The following ACTN3 variants were observed in gnomAD, a reference collection of about 807,000 sequenced individuals.
ACTN3 encodes alpha-actinin-3.
ACTN3 carries 91 observed loss-of-function variants against 119.6 expected under a neutral mutation model. The ratio of observed to expected loss-of-function variants is 0.76; its 90% CI spans 0.64 to 0.91. ACTN3 has a LOEUF of 0.91. Ranked by LOEUF, ACTN3 falls within the 40% of genes least tolerant of loss-of-function variation. The pLI is 0.00. For synonymous variants in ACTN3, 456 were observed against 478.8 expected (o/e 0.95, Z 0.62); for missense variants, 1,221 against 1,215.1 (o/e 1.00, Z -0.07).
Position 66,560,728 on chromosome 11 carries a change from G to A in ACTN3, c.1833G>A (p.Pro611=), listed in dbSNP as rs7949754. Residue 611 remains proline (P), a synonymous_variant, in exon 15 of 21, where the codon CCG becomes CCA. Coordinates refer to ENST00000513398, the MANE Select transcript of ACTN3 (RefSeq NM_001104.4). Reference sequence around the variant, plus strand: ...CCAATCCCTACATCACCCTCAGCCCGCAGGACATCAACACCAAGTGGGATA... The same window carrying A: ...CCAATCCCTACATCACCCTCAGCCCACAGGACATCAACACCAAGTGGGATA... ...CSTNPYITLS[P]QDINTKWDMV... 2,023 of 1,613,036 alleles carry A rather than the reference G, an allele frequency of 1.3e-3. 29 individuals carry two copies. In the African/African-American group the frequency reaches 0.022, roughly 17 times the overall value.
At chr11:66,555,052 G>C (rs1164902761) in intron 5 of ACTN3, 78 bp from the exon 6 acceptor site, 1 of 1,298,638 alleles carries the variant, frequency 7.7e-7, no homozygotes, top group South Asian at 1.2e-5. Flanking sequence ...CTGTCCTTCT[G>C]GGGGGTGCTC....
Position 66,554,593 on chromosome 11 carries a change from G to A in ACTN3, c.527G>A (p.Arg176His), listed in dbSNP as rs1201348087. The A allele has an allele frequency of 6.2e-7, 1 of 1,612,344 alleles. No homozygotes were observed. The highest frequency in any genetic ancestry group is 1.1e-5 in the South Asian group (1 of 90,734). Residue 176 changes from arginine to histidine, a missense_variant, in exon 5 of 21, where the codon CGC becomes CAC. Physicochemically the swap from Arg to His is conservative, Grantham distance 29. Coordinates refer to ENST00000513398, the MANE Select transcript of ACTN3 (RefSeq NM_001104.4). ...TGCCAGAGGAAGACAGCACCGTACC[G>A]CAACGTCAACGTGCAGAACTTCCAC... ...LWCQRKTAPY[R>H]NVNVQNFHTS...
chr11:66,562,792 G>C lies in ACTN3; in HGVS notation c.2389-4G>C. ...GGCATAGTGCCTGGCCTCTATCCCT[G>C]CAGGGGGAAGTGGAGTTTGCTCGCA... On this transcript the variant is annotated splice_polypyrimidine_tract_variant and splice_region_variant and intron_variant, in intron 19 of 20. Transcript: ENST00000513398. 1 of 1,603,942 alleles carries C rather than the reference G, an allele frequency of 6.2e-7. No individual in the cohort carries two copies. Among genetic ancestry groups the C allele is most frequent in the South Asian group, 1.1e-5 (1 of 89,482 alleles).
At position 66,548,596 on chromosome 11, in the gene ACTN3, G is replaced by A. The variant is rs577216633; in HGVS notation, c.147+1512G>A. Among the ~76,000 whole-genome samples the A allele has an allele frequency of 4.6e-5, 7 of 152,226 alleles. No individual in the cohort carries two copies. In the South Asian group the frequency reaches 8.3e-4, roughly 18 times the overall value. On this transcript the variant is annotated intron_variant, in intron 1 of 20. Coordinates refer to ENST00000513398, the MANE Select transcript of ACTN3 (RefSeq NM_001104.4). Reference sequence around the variant, plus strand: ...TTGGCTCATTTCTTTCTTGTCCAGCGTTGTTTATTGCAAGGTGGTAATAAA... The same window carrying A: ...TTGGCTCATTTCTTTCTTGTCCAGCATTGTTTATTGCAAGGTGGTAATAAA...
chr11:66,558,297 GAGACT>G (rs1304356818), intron 11 of ACTN3, 123 bp downstream of exon 11: 1 of 1,407,330 alleles, frequency 7.1e-7, no homozygotes, highest in Non-Finnish European at 9.5e-7. Flanking sequence ...AGGAAAGCCA[GAGACT>G]GGATTTCTAG....
chr11:66,551,289 C>G lies in ACTN3; in HGVS notation c.198C>G (p.Ile66Met). Residue 66 changes from isoleucine (I) to methionine (M), a missense_variant, in exon 2 of 21, where the codon ATC becomes ATG. By Grantham distance (10) the Ile-to-Met change is conservative (BLOSUM62 1). This residue lies in a region of ACTN3 where 239 missense variants were observed against 231.8 expected (regional missense o/e 1.03). Transcript: ENST00000513398. ...ACCTGCGCAAGGCAGGCACCCAGAT[C>G]GAGAACATCGAGGAAGATTTCCGCA... is the stretch of plus-strand genomic sequence containing the variant. ...NSHLRKAGTQIENIEEDFRNG... is the reference protein window; with the variant it reads ...NSHLRKAGTQMENIEEDFRNG... 2 of 1,612,560 alleles carry G rather than the reference C, an allele frequency of 1.2e-6. No homozygotes were observed. Among genetic ancestry groups the G allele is most frequent in the Non-Finnish European group, 1.7e-6 (2 of 1,179,336 alleles).
In ACTN3 at chr11:66,554,526, C is replaced by A. The variant is rs373396941; in HGVS notation, c.470-10C>A. On this transcript the variant is annotated splice_polypyrimidine_tract_variant and intron_variant, in intron 4 of 20. Coordinates refer to ENST00000513398, the MANE Select transcript of ACTN3 (RefSeq NM_001104.4). Reference sequence around the variant, plus strand: ...TTCCCAATGAATCCTCCCACCTCCCCCCGACCCAGAAACCTCAGCCAAGGA... The same window carrying A: ...TTCCCAATGAATCCTCCCACCTCCCACCGACCCAGAAACCTCAGCCAAGGA... The A allele has an allele frequency of 1.0e-5, 16 of 1,603,036 alleles. No individual in the cohort carries two copies. The highest frequency in any genetic ancestry group is 2.3e-5 in the East Asian group (1 of 44,436).
intron 14 of ACTN3, 124 bp downstream of exon 14, chr11:66,560,435 G>A: frequency 1.4e-6 from 2 of 1,479,450 alleles, no homozygotes; most frequent in Non-Finnish European, 1.8e-6. Context: ...CCGAGTGCTG[G>A]GCTGGAAGAC....
chr11:66,554,152 T>C (rs565750752), intron 4 of ACTN3, 21 bp downstream of exon 4: 2 of 1,610,778 alleles, frequency 1.2e-6, no homozygotes, highest in Non-Finnish European at 1.7e-6. Flanking sequence ...GGAAAGGAGG[T>C]TGGGGCCAGG....
chr11:66,546,476 A>G, upstream of ACTN3: 4 of 1,502,966 alleles, frequency 2.7e-6, no homozygotes, highest in Admixed American at 2.1e-5. Context: ...AAAACATGCA[A>G]AACAGCTCGG....
chr11:66,551,689 C>A, intron 3 of ACTN3, 42 bp downstream of exon 3: 4 of 1,609,272 alleles, frequency 2.5e-6, no homozygotes, highest in Non-Finnish European at 3.4e-6. Context: ...GGCACAGGGG[C>A]CTCTCTTGAC....
At position 66,561,446 on chromosome 11, in the gene ACTN3, G is replaced by A. The variant is rs769398710; in HGVS notation, c.1996-12G>A. Reference sequence around the variant, plus strand: ...AGTTGGGAGCCCTCATGCTGCCTGGGAACCCCTGCAGGAAGTGGGGCGGCT... The same window carrying A: ...AGTTGGGAGCCCTCATGCTGCCTGGAAACCCCTGCAGGAAGTGGGGCGGCT... On this transcript the variant is annotated splice_polypyrimidine_tract_variant and intron_variant, in intron 16 of 20. Transcript: ENST00000513398. 6.2e-7 allele frequency: 1 copy of A among 1,600,218 alleles called. No homozygotes were observed. The highest frequency in any genetic ancestry group is 8.5e-7 in the Non-Finnish European group (1 of 1,173,672).
rs760557646 is a variant in ACTN3, at chr11:66,560,149, C to CCACT, written c.1537-21_1537-18dup. 44 of 1,581,866 alleles carry CCACT rather than the reference C, an allele frequency of 2.8e-5. No homozygotes were observed. The South Asian group carries it at 5.1e-4, about 18-fold the overall frequency. ...CAGGTCTGCAGGGCAGGCTTCTGACCCACTACGCCTCCCACCTCTAGCGGA... is the reference window on the plus strand; with the variant it reads ...CAGGTCTGCAGGGCAGGCTTCTGACCCACTCACTACGCCTCCCACCTCTAGCGGA... On this transcript the variant is annotated intron_variant, in intron 13 of 20. Transcript: ENST00000513398.
intron 8 of ACTN3, among the ~76,000 whole-genome samples, chr11:66,556,830 G>T (rs896587113): frequency 6.6e-6 from 1 of 152,086 alleles, no homozygotes; most frequent in Non-Finnish European, 1.5e-5. Flanking sequence ...GGGCGGTCTC[G>T]GCTCACTGCC....
intron 7 of ACTN3, 129 bp from the exon 8 acceptor site, chr11:66,556,016 A>G: frequency 1.3e-6 from 1 of 768,858 alleles, no homozygotes; most frequent in Middle Eastern, 2.5e-4. Flanking sequence ...AAGAGAAGAC[A>G]CTGGGCTTGG....
At chr11:66,558,247 G>A (rs1857649014) in intron 11 of ACTN3, 73 bp downstream of exon 11, 4 of 1,580,536 alleles carry the variant, frequency 2.5e-6, no homozygotes, top group Non-Finnish European at 3.4e-6. Flanking sequence ...AGGAGGGGAG[G>A]TTCTTGGCAA....
At chr11:66,548,559 G>A in intron 1 of ACTN3, among the ~76,000 whole-genome samples, 1 of 152,198 alleles carries the variant, frequency 6.6e-6, no homozygotes, top group Non-Finnish European at 1.5e-5. Context: ...AGCATCCCTT[G>A]TAGTTGGACA....
chr11:66,547,425 A>G (rs1857378134), intron 1 of ACTN3, among the ~76,000 whole-genome samples: 1 of 152,150 alleles, frequency 6.6e-6, no homozygotes, highest in Non-Finnish European at 1.5e-5. Context: ...ATCTTCTTCT[A>G]GTTAAATATT....
At chr11:66,552,821 C>A (rs1363407533) in intron 3 of ACTN3, among the ~76,000 whole-genome samples, 1 of 151,162 alleles carries the variant, frequency 6.6e-6, no homozygotes, top group Non-Finnish European at 1.5e-5. Flanking sequence ...TGCACCATTG[C>A]ACTCCAGCCT....
Sources: allele counts gnomAD v4.1 joint callset (sites outside exome capture counted in the v4.1 genomes callset), GRCh38; gene constraint gnomAD v4.1.1; regional missense constraint gnomAD v4.1.1; transcripts MANE v1.5; gene names NCBI Gene and HGNC (gene_info 2026-07-23, HGNC 2026-07-21).